The following ZNF407 variants were observed in gnomAD, a reference collection of about 807,000 sequenced individuals.
The protein encoded by ZNF407 is zinc finger protein 407.
A neutral mutation model predicts 131.2 loss-of-function variants in ZNF407; 17 were observed. That is an observed-to-expected ratio of 0.13 (90% CI 0.09 to 0.19). The LOEUF (loss-of-function observed/expected upper bound fraction) is 0.19. Ranked by LOEUF, ZNF407 falls within the 10% of genes least tolerant of loss-of-function variation. The pLI is 1.00. For synonymous variants in ZNF407, 1,156 were observed against 1,062.0 expected, an observed-to-expected ratio of 1.09 and a Z score of -1.72; for missense variants, 2,681 against 2,830.6, an observed-to-expected ratio of 0.95 and a Z score of 1.20.
At chr18:74,838,930 G>A (rs1361283001) in intron 4 of ZNF407, among the ~76,000 whole-genome samples, 2 of 151,594 alleles carry the variant, frequency 1.3e-5, no homozygotes, top group Admixed American at 6.6e-5. Flanking sequence ...ATTTTTAAAT[G>A]GTTTATAATT....
intron 3 of ZNF407, among the ~76,000 whole-genome samples, chr18:74,663,334 A>G (rs879913505): frequency 1.3e-5 from 2 of 152,184 alleles, no homozygotes; most frequent in Non-Finnish European, 2.9e-5. Context: ...TAGTAAAAGT[A>G]TTATCAATGT....
intron 3 of ZNF407, among the ~76,000 whole-genome samples, chr18:74,752,708 G>A (rs1310979888): frequency 6.6e-6 from 1 of 152,052 alleles, no homozygotes; most frequent in Non-Finnish European, 1.5e-5. Context: ...TATTTCTGAG[G>A]GCTCTGTTCT....
intron 4 of ZNF407, among the ~76,000 whole-genome samples, chr18:74,873,019 A>G (rs963501373): frequency 6.6e-6 from 1 of 152,180 alleles, no homozygotes. Flanking sequence ...TAATGTGGAA[A>G]CATAAGGTTA....
intron 8 of ZNF407, among the ~76,000 whole-genome samples, chr18:74,937,330 C>T (rs972173084): frequency 6.6e-6 from 1 of 152,094 alleles, no homozygotes. Flanking sequence ...ATTTTCAGAA[C>T]AATCTCATGC....
intron 4 of ZNF407, among the ~76,000 whole-genome samples, chr18:74,785,845 C>T (rs1291305425): frequency 1.3e-5 from 2 of 151,504 alleles, no homozygotes; most frequent in Admixed American, 6.6e-5. Context: ...ACATGGCATG[C>T]ACATGGCCCA....
chr18:74,759,150 T>C (rs913530816), intron 3 of ZNF407, among the ~76,000 whole-genome samples: 1 of 152,124 alleles, frequency 6.6e-6, no homozygotes, highest in Admixed American at 6.5e-5. Flanking sequence ...TTCAACACTT[T>C]GAATATGTCA....
chr18:75,026,851 C>G (rs1343023959), intron 8 of ZNF407, among the ~76,000 whole-genome samples: 1 of 152,200 alleles, frequency 6.6e-6, no homozygotes, highest in African/African-American at 2.4e-5. Context: ...TCAAGTTGAG[C>G]TACAGTGGTT....
chr18:74,888,527 T>C lies in ZNF407; in HGVS notation c.5129-1391T>C, dbSNP rs115609132. 3.1e-3 allele frequency among the ~76,000 whole-genome samples: 476 copies of C among 152,288 alleles called. 1 individual carries two copies. The highest frequency in any genetic ancestry group is 0.011 in the African/African-American group (455 of 41,572). On this transcript the variant is annotated intron_variant, in intron 6 of 8. Transcript: ENST00000299687. The stretch of plus-strand genomic sequence containing the variant: ...GAACATCTCAATTCAGAGGCTAAAT[T>C]TTCATCTGAAATATATGATCTATAT...
chr18:74,920,396 G>A (rs762921708), intron 7 of ZNF407, 118 bp from the exon 8 acceptor site: 30 of 796,904 alleles, frequency 3.8e-5, no homozygotes, highest in African/African-American at 1.4e-4. Context: ...TATTATATGA[G>A]TACAGCACTT....
chr18:74,674,160 G>T (rs1035284888), intron 3 of ZNF407, among the ~76,000 whole-genome samples: 4 of 152,138 alleles, frequency 2.6e-5, no homozygotes, highest in African/African-American at 9.7e-5. Flanking sequence ...ACCCTTCCAT[G>T]GTTGCTACCT....
At chr18:74,811,791 G>A (rs1333861936) in intron 4 of ZNF407, among the ~76,000 whole-genome samples, 2 of 151,316 alleles carry the variant, frequency 1.3e-5, no homozygotes, top group African/African-American at 2.4e-5. Flanking sequence ...ACCAAACACC[G>A]CATATTCTCA....
Position 74,906,857 on chromosome 18 carries a change from A to G in ZNF407, c.5250-13657A>G, listed in dbSNP as rs181881143. On this transcript the variant is annotated intron_variant, in intron 7 of 8. Coordinates refer to ENST00000299687, the MANE Select transcript of ZNF407 (RefSeq NM_017757.3). ...CACACTGTGTATATGTGAGTATTTT[A>G]TGTGTGTATGTGTATATGTGCACAC... Among the ~76,000 whole-genome samples the G allele has an allele frequency of 2.8e-3, 423 of 152,182 alleles. 1 individual carries two copies. The highest frequency in any genetic ancestry group is 9.2e-3 in the African/African-American group (384 of 41,536).
intron 4 of ZNF407, among the ~76,000 whole-genome samples, chr18:74,800,561 A>G (rs1021015129): frequency 3.3e-5 from 5 of 152,100 alleles, no homozygotes; most frequent in Admixed American, 1.3e-4. Context: ...CTTGCCATCT[A>G]TGGCCTTCCT....
chr18:74,943,572 T>G (rs564226606), intron 8 of ZNF407, among the ~76,000 whole-genome samples: 1 of 152,266 alleles, frequency 6.6e-6, no homozygotes, highest in Admixed American at 6.5e-5. Flanking sequence ...ATATTAAGAG[T>G]TTAGTTTTGA....
At chr18:74,927,501 G>A (rs544841874) in intron 8 of ZNF407, among the ~76,000 whole-genome samples, 6 of 152,298 alleles carry the variant, frequency 3.9e-5, no homozygotes, top group South Asian at 4.1e-4. Flanking sequence ...TGGCACAGAC[G>A]GATGGATGGA....
intron 4 of ZNF407, among the ~76,000 whole-genome samples, chr18:74,805,144 A>C (rs539027557): frequency 6.6e-6 from 1 of 152,320 alleles, no homozygotes; most frequent in South Asian, 2.1e-4. Flanking sequence ...ATGAAAGACT[A>C]TTTTAGAACA....
intron 8 of ZNF407, among the ~76,000 whole-genome samples, chr18:74,975,078 C>T (rs1248978792): frequency 2.6e-5 from 4 of 152,152 alleles, no homozygotes; most frequent in African/African-American, 7.2e-5. Context: ...TTATGTAAAG[C>T]GTAATTCTGA....
chr18:74,915,344 G>A (rs1413198545), intron 7 of ZNF407, among the ~76,000 whole-genome samples: 3 of 150,118 alleles, frequency 2.0e-5, no homozygotes, highest in African/African-American at 7.4e-5. Context: ...GTGTGTGTGT[G>A]TGTGTGTGCA....
At chr18:74,629,837 A>G (rs896072283) in intron 1 of ZNF407, among the ~76,000 whole-genome samples, 2 of 152,216 alleles carry the variant, frequency 1.3e-5, no homozygotes, top group African/African-American at 4.8e-5. Context: ...TTTTAATTGA[A>G]TTAAATAGCA....
Sources: gnomAD v4.1 joint callset for allele counts (sites outside exome capture counted in the v4.1 genomes callset) on GRCh38, gnomAD v4.1.1 for gene constraint, MANE v1.5 for transcripts, NCBI Gene and HGNC (gene_info 2026-07-23, HGNC 2026-07-21) for gene names.